The following MAP7 variants were observed in gnomAD, a reference collection of about 807,000 sequenced individuals.
MAP7 encodes the protein microtubule associated protein 7.
MAP7 carries 52 observed loss-of-function variants against 94.8 expected under a neutral mutation model. The ratio of observed to expected loss-of-function variants is 0.55; its 90% CI spans 0.44 to 0.69. The LOEUF is 0.69. Ranked by LOEUF, MAP7 falls within the 30% of genes least tolerant of loss-of-function variation. MAP7 has a pLI of 0.00. For missense variants in MAP7, 940 were observed against 964.6 expected (o/e 0.97, Z 0.34); for synonymous variants, 350 against 357.0 (o/e 0.98, Z 0.22).
At chr6:136,409,984 G>T (rs1253016095) in intron 3 of MAP7, among the ~76,000 whole-genome samples, 1 of 152,194 alleles carries the variant, frequency 6.6e-6, no homozygotes, top group Admixed American at 6.5e-5. Context: ...AGGGAGAACT[G>T]CAAGCTCAAA....
intron 1 of MAP7, among the ~76,000 whole-genome samples, chr6:136,475,561 A>G (rs1321251910): frequency 6.6e-6 from 1 of 152,238 alleles, no homozygotes; most frequent in Non-Finnish European, 1.5e-5. Context: ...GTTGATCTTT[A>G]AACTTTCTTT....
intron 2 of MAP7, chr6:136,420,160 T>C: frequency 1.1e-6 from 1 of 926,132 alleles, no homozygotes; most frequent in South Asian, 1.3e-5. Flanking sequence ...TGGCACCATC[T>C]TCATTGTTAT....
chr6:136,474,061 T>C (rs1363816716), intron 1 of MAP7, among the ~76,000 whole-genome samples: 1 of 151,944 alleles, frequency 6.6e-6, no homozygotes, highest in Non-Finnish European at 1.5e-5. Flanking sequence ...ACCCAGTAAT[T>C]CCAAAAGCCA....
intron 1 of MAP7, among the ~76,000 whole-genome samples, chr6:136,545,731 ATTTT>A (rs576891797): frequency 6.6e-6 from 1 of 151,130 alleles, no homozygotes; most frequent in Admixed American, 6.6e-5. Flanking sequence ...TTAAAAGTTT[ATTTT>A]TTTATTTTTT....
chr6:136,460,244 G>A (rs553858541), intron 1 of MAP7, among the ~76,000 whole-genome samples: 16 of 152,100 alleles, frequency 1.1e-4, no homozygotes, highest in Non-Finnish European at 2.2e-4. Context: ...CAGTACCATG[G>A]ATAATTTCTC....
intron 5 of MAP7, among the ~76,000 whole-genome samples, chr6:136,386,017 C>T (rs750665216): frequency 2.6e-5 from 4 of 152,066 alleles, no homozygotes; most frequent in Non-Finnish European, 5.9e-5. Context: ...GTAATCCACC[C>T]GCCTCAGCCT....
At chr6:136,537,835 T>C (rs528848432) in intron 1 of MAP7, among the ~76,000 whole-genome samples, 98 of 152,096 alleles carry the variant, frequency 6.4e-4, no homozygotes, top group African/African-American at 2.2e-3. Context: ...TTGCCCAGGC[T>C]GGAGTGCAAT....
At chr6:136,411,582 C>T in intron 3 of MAP7, 38 bp downstream of exon 3, 1 of 1,522,542 alleles carries the variant, frequency 6.6e-7, no homozygotes, top group Non-Finnish European at 8.9e-7. Context: ...TAGTGACATC[C>T]ATTCAAATCA....
intron 3 of MAP7, among the ~76,000 whole-genome samples, chr6:136,393,648 A>T (rs1350016589): frequency 2.0e-5 from 3 of 151,890 alleles, no homozygotes; most frequent in African/African-American, 7.3e-5. Context: ...CTATCTATTT[A>T]TTTTAGAGCC....
At chr6:136,498,474 C>A (rs999844284) in intron 1 of MAP7, among the ~76,000 whole-genome samples, 8 of 152,030 alleles carry the variant, frequency 5.3e-5, no homozygotes, top group Admixed American at 2.0e-4. Flanking sequence ...CAAGACAGTG[C>A]AGACGCTGGT....
chr6:136,519,121 G>A (rs552670752), intron 1 of MAP7, among the ~76,000 whole-genome samples: 3 of 152,258 alleles, frequency 2.0e-5, no homozygotes, highest in African/African-American at 7.2e-5. Flanking sequence ...TAGTTACAGA[G>A]AATCCAATGA....
At chr6:136,433,737 T>A (rs939394370) in intron 1 of MAP7, among the ~76,000 whole-genome samples, 1 of 152,206 alleles carries the variant, frequency 6.6e-6, no homozygotes, top group East Asian at 1.9e-4. Flanking sequence ...TGGGAAAGCA[T>A]CGTGGGCTGC....
chr6:136,402,482 A>C (rs1240169961), intron 3 of MAP7, among the ~76,000 whole-genome samples: 1 of 152,186 alleles, frequency 6.6e-6, no homozygotes, highest in African/African-American at 2.4e-5. Flanking sequence ...TCCTGCACAG[A>C]GGGTCCTTCC....
chr6:136,395,660 T>A (rs1782253677), intron 3 of MAP7, among the ~76,000 whole-genome samples: 1 of 152,146 alleles, frequency 6.6e-6, no homozygotes, highest in African/African-American at 2.4e-5. Context: ...ATTTCCCCAA[T>A]GCTTTCTTCT....
Position 136,445,457 on chromosome 6 carries a change from AC to A in MAP7, c.68-23659del, listed in dbSNP as rs1400898723. Reference sequence around the variant, plus strand: ...TTATTCCTTGTCCAAAAAGTACAAAACCTATCTGCATTGGCCATTTCTTTGC... The same window carrying A: ...TTATTCCTTGTCCAAAAAGTACAAAACTATCTGCATTGGCCATTTCTTTGC... On this transcript the variant is annotated intron_variant, in intron 1 of 17. Transcript: ENST00000354570. 3.9e-5 allele frequency among the ~76,000 whole-genome samples: 6 copies of A among 151,916 alleles called. No homozygotes were observed. In the East Asian group the frequency reaches 1.2e-3, roughly 29 times the overall value.
At chr6:136,414,066 G>A (rs1475416715) in intron 2 of MAP7, among the ~76,000 whole-genome samples, 16 of 151,496 alleles carry the variant, frequency 1.1e-4, no homozygotes, top group African/African-American at 3.9e-4. Context: ...TGGCTAACAA[G>A]GTGAAACCCC....
intron 1 of MAP7, among the ~76,000 whole-genome samples, chr6:136,459,274 T>C (rs7772089): frequency 0.75 from 113,416 of 151,956 alleles, 43,494 homozygotes; most frequent in South Asian, 0.85. Context: ...TTGGTGAGGA[T>C]ATGGAGGAAC....
chr6:136,405,961 T>G (rs1227832592), intron 3 of MAP7, among the ~76,000 whole-genome samples: 1 of 152,172 alleles, frequency 6.6e-6, no homozygotes, highest in African/African-American at 2.4e-5. Flanking sequence ...GTTATGAAAT[T>G]TATTCTTTTC....
chr6:136,388,356 A>G (rs1398247302), intron 5 of MAP7, 37 bp downstream of exon 5: 1 of 1,493,956 alleles, frequency 6.7e-7, no homozygotes, highest in Non-Finnish European at 9.3e-7. Flanking sequence ...TACTTTCAGG[A>G]AAATAAAGAC....
Sources: gnomAD v4.1 joint callset for allele counts (sites outside exome capture counted in the v4.1 genomes callset) on GRCh38, gnomAD v4.1.1 for gene constraint, MANE v1.5 for transcripts, NCBI Gene and HGNC (gene_info 2026-07-23, HGNC 2026-07-21) for gene names.